The following RPRD1A variants were observed in gnomAD, a reference collection of about 807,000 sequenced individuals.
The protein encoded by RPRD1A is regulation of nuclear pre-mRNA domain containing 1A.
A neutral mutation model predicts 37.8 loss-of-function variants in RPRD1A; 9 were observed. That is an observed-to-expected ratio of 0.24 (90% CI 0.14 to 0.42). The LOEUF is 0.42. Ranked by LOEUF, RPRD1A falls within the 10% of genes least tolerant of loss-of-function variation. RPRD1A has a pLI of 1.00. For synonymous variants in RPRD1A, 138 were observed against 139.7 expected (o/e 0.99, Z 0.08); for missense variants, 255 against 371.0 (o/e 0.69, Z 2.57).
chr18:36,024,485 A>G (rs2144262504), intron 6 of RPRD1A, among the ~76,000 whole-genome samples: 1 of 152,188 alleles, frequency 6.6e-6, no homozygotes, highest in East Asian at 1.9e-4. Flanking sequence ...CTTAGTAACC[A>G]ACTATAGTCA....
At chr18:36,000,641 A>G (rs2144157014) in intron 6 of RPRD1A, among the ~76,000 whole-genome samples, 1 of 152,334 alleles carries the variant, frequency 6.6e-6, no homozygotes, top group South Asian at 2.1e-4. Flanking sequence ...CTAACCAAAT[A>G]GCTACTACAC....
At chr18:36,029,281 T>TGG (rs1911593354) in intron 4 of RPRD1A, among the ~76,000 whole-genome samples, 2 of 152,152 alleles carry the variant, frequency 1.3e-5, no homozygotes, top group African/African-American at 4.8e-5. Flanking sequence ...TTCACCTTCA[T>TGG]GGGGGAAAGA....
chr18:36,025,592 C>T (rs1441616439), intron 6 of RPRD1A: 1 of 1,268,934 alleles, frequency 7.9e-7, no homozygotes, highest in East Asian at 5.6e-5. Flanking sequence ...TGAGACAATA[C>T]AGGCTTCAGG....
At chr18:36,040,386 CT>C (rs1258669358) in intron 1 of RPRD1A, among the ~76,000 whole-genome samples, 1 of 152,142 alleles carries the variant, frequency 6.6e-6, no homozygotes, top group Non-Finnish European at 1.5e-5. Flanking sequence ...AAAGAATATT[CT>C]TGGCAGAAAG....
chr18:36,014,218 T>C (rs575995436), intron 6 of RPRD1A, among the ~76,000 whole-genome samples: 55 of 152,318 alleles, frequency 3.6e-4, no homozygotes, highest in African/African-American at 1.3e-3. Context: ...TTTCTAGCAA[T>C]TGTCCAGAAG....
chr18:36,060,577 C>T (rs112091398), intron 1 of RPRD1A, among the ~76,000 whole-genome samples: 12 of 152,070 alleles, frequency 7.9e-5, no homozygotes, highest in Admixed American at 5.2e-4. Context: ...GTTAATTCAA[C>T]GAATATTTAA....
At position 36,020,396 on chromosome 18, in the gene RPRD1A, GGT is replaced by G. The variant is rs369340566; in HGVS notation, c.789+6502_789+6503del. On this transcript the variant is annotated intron_variant, in intron 6 of 6. Transcript: ENST00000399022. The stretch of plus-strand genomic sequence containing the variant: ...CCTATGTTATCTAACCAGCAAATCT[GGT>G]GTGTTTTCCTCTGGAGAAAATGAAT... Among the ~76,000 whole-genome samples, 365 of 152,280 alleles carry G rather than the reference GGT, an allele frequency of 2.4e-3. 1 individual carries two copies. The highest frequency in any genetic ancestry group is 8.5e-3 in the African/African-American group (353 of 41,552).
intron 1 of RPRD1A, among the ~76,000 whole-genome samples, chr18:36,050,306 T>C (rs988823084): frequency 6.6e-6 from 1 of 151,800 alleles, no homozygotes; most frequent in African/African-American, 2.4e-5. Context: ...GGCACAGTCA[T>C]GGCTCACCAC....
intron 6 of RPRD1A, among the ~76,000 whole-genome samples, chr18:36,010,358 T>C (rs148865642): frequency 1.1e-3 from 165 of 151,842 alleles, no homozygotes; most frequent in Middle Eastern, 3.4e-3. Context: ...TCAGGTGTGG[T>C]AGTGTGTGCC....
At chr18:36,001,011 G>C (rs1028744830) in intron 6 of RPRD1A, among the ~76,000 whole-genome samples, 1 of 152,228 alleles carries the variant, frequency 6.6e-6, no homozygotes, top group African/African-American at 2.4e-5. Flanking sequence ...ACACTGACTT[G>C]TATCAGGTAG....
chr18:36,014,131 TA>T (rs1428313625), intron 6 of RPRD1A, among the ~76,000 whole-genome samples: 3 of 152,216 alleles, frequency 2.0e-5, no homozygotes, highest in Non-Finnish European at 4.4e-5. Context: ...CTAATTTCTT[TA>T]AAAAGCTTAT....
chr18:36,005,300 CA>C (rs765754132), intron 6 of RPRD1A, among the ~76,000 whole-genome samples: 2 of 149,406 alleles, frequency 1.3e-5, no homozygotes. Context: ...GACTCTGTCT[CA>C]AAAAAAATAA....
intron 6 of RPRD1A, among the ~76,000 whole-genome samples, chr18:36,022,400 T>C (rs1598621914): frequency 1.3e-5 from 2 of 152,212 alleles, no homozygotes; most frequent in Admixed American, 1.3e-4. Context: ...TGGAAGAAGA[T>C]GCCACCTGGG....
intron 1 of RPRD1A, among the ~76,000 whole-genome samples, chr18:36,055,897 A>G (rs1159888374): frequency 6.6e-6 from 1 of 152,206 alleles, no homozygotes; most frequent in Non-Finnish European, 1.5e-5. Context: ...AGATACACAG[A>G]AAAACTTAAG....
At position 36,008,577 on chromosome 18, in the gene RPRD1A, G is replaced by GTGTGTATATGTGTATATATA; in HGVS notation, c.790-15278_790-15277insTATATATACACATATACACA. On this transcript the variant is annotated intron_variant, in intron 6 of 6. Coordinates refer to ENST00000399022, the MANE Select transcript of RPRD1A (RefSeq NM_018170.5). ...GGCGACACAGCAAGACCTTGTGTGT[G>GTGTGTATATGTGTATATATA]TATATATATATATCTTTAAAAATCT... Among the ~76,000 whole-genome samples the GTGTGTATATGTGTATATATA allele has an allele frequency of 6.3e-5, 3 of 47,800 alleles. 1 individual carries two copies. Among genetic ancestry groups the GTGTGTATATGTGTATATATA allele is most frequent in the Admixed American group, 5.6e-4 (2 of 3,558 alleles). The allele number at this position is 47,800 out of a possible 152,430, so 31.4% of individuals were successfully genotyped here.
chr18:36,014,772 T>C (rs1462566988), intron 6 of RPRD1A, among the ~76,000 whole-genome samples: 1 of 151,718 alleles, frequency 6.6e-6, no homozygotes, highest in African/African-American at 2.4e-5. Context: ...TAAATAAAAA[T>C]AAAATAGGCA....
chr18:36,027,984 T>C (rs1287172663), intron 4 of RPRD1A: 1 of 152,088 alleles, frequency 6.6e-6, no homozygotes, highest in Non-Finnish European at 1.5e-5. Context: ...ACTTCCACTG[T>C]TTTCATACAA....
intron 1 of RPRD1A, among the ~76,000 whole-genome samples, chr18:36,038,349 C>T (rs953698617): frequency 5.9e-5 from 9 of 152,212 alleles, no homozygotes; most frequent in African/African-American, 1.2e-4. Context: ...TAAAAGGGGC[C>T]AGGGCACAGC....
intron 1 of RPRD1A, among the ~76,000 whole-genome samples, chr18:36,052,260 A>T (rs888600638): frequency 4.6e-5 from 7 of 152,008 alleles, no homozygotes; most frequent in African/African-American, 1.2e-4. Flanking sequence ...AAGCTGACAG[A>T]GTTTGTTACT....
Sources: gnomAD v4.1 joint callset for allele counts (sites outside exome capture counted in the v4.1 genomes callset) on GRCh38, gnomAD v4.1.1 for gene constraint, MANE v1.5 for transcripts, NCBI Gene and HGNC (gene_info 2026-07-23, HGNC 2026-07-21) for gene names.